Variants in ARPP21 observed in about 807,000 individuals in gnomAD.
ARPP21 encodes cAMP-regulated phosphoprotein 21.
ARPP21 carries 69 observed loss-of-function variants against 113.2 expected under a neutral mutation model. That is an observed-to-expected ratio of 0.61 (90% CI 0.50 to 0.74). The LOEUF is 0.74. Among genes scored for constraint, ARPP21 ranks in the 30% least tolerant of loss-of-function variants. The pLI, the probability that ARPP21 is intolerant of heterozygous loss-of-function variation, is 0.00. For missense variants in ARPP21, 1,070 were observed against 1,037.4 expected (o/e 1.03, Z -0.43); for synonymous variants, 368 against 375.5 (o/e 0.98, Z 0.23).
chr3:35,723,890 T>A (rs2093329050), intron 14 of ARPP21, among the ~76,000 whole-genome samples: 1 of 152,290 alleles, frequency 6.6e-6, no homozygotes, highest in African/African-American at 2.4e-5. Context: ...AAGATCAAGG[T>A]AGGATGTCAA....
At chr3:35,679,581 G>C (rs1170561244) in intron 1 of ARPP21, 1 of 151,414 alleles carries the variant, frequency 6.6e-6, no homozygotes, top group Non-Finnish European at 1.5e-5. Context: ...AGCTCCTTGC[G>C]TGGGTGCCGT....
rs1288627038 is a variant in ARPP21 at position 35,682,865 on chromosome 3, G to T, written c.147G>T (p.Gln49His). Residue 49 changes from glutamine (Q) to histidine (H), a missense_variant, in exon 4 of 21, where the codon CAG becomes CAT. Gln to His is a conservative substitution (Grantham distance 24). Coordinates refer to ENST00000684406, the MANE Select transcript of ARPP21 (RefSeq NM_001385562.1). ...KLELQRRLEA[Q>H]NQERRKSKSG... ...ACATACAGAGGCGGCTGGAGGCTCA[G>T]AATCAAGAAAGAAGAAAATCCAAGG... The T allele has an allele frequency of 6.2e-6, 10 of 1,608,640 alleles. No individual in the cohort carries two copies. Among genetic ancestry groups the T allele is most frequent in the Admixed American group, 1.7e-5 (1 of 59,464 alleles).
At position 35,793,835 on chromosome 3, in the gene ARPP21, C is replaced by G. The variant is rs755439265; in HGVS notation, c.2421C>G (p.Thr807=). 3 of 1,614,210 alleles carry G rather than the reference C, an allele frequency of 1.9e-6. No individual in the cohort carries two copies. Among genetic ancestry groups the G allele is most frequent in the South Asian group, 1.1e-5 (1 of 91,080 alleles). Residue 807 remains threonine (T), a synonymous_variant, in exon 21 of 21, where the codon ACC becomes ACG. Coordinates refer to ENST00000684406, the MANE Select transcript of ARPP21 (RefSeq NM_001385562.1). The part of the protein sequence containing the change: ...MPVYCNVTPP[T]PQNNLRLIGP... ...TTTACTGTAATGTCACACCGCCCAC[C>G]CCTCAGAACAACCTTAGGCTGATTG... is the stretch of plus-strand genomic sequence containing the variant.
At chr3:35,654,252 T>C (rs1054941243) in intron 1 of ARPP21, among the ~76,000 whole-genome samples, 1 of 152,108 alleles carries the variant, frequency 6.6e-6, no homozygotes, top group African/African-American at 2.4e-5. Flanking sequence ...TCATTTTTTT[T>C]CCTAATGGAT....
At chr3:35,719,467 A>G (rs2092830493) in intron 13 of ARPP21, among the ~76,000 whole-genome samples, 1 of 152,220 alleles carries the variant, frequency 6.6e-6, no homozygotes, top group African/African-American at 2.4e-5. Flanking sequence ...GTGATGTGAC[A>G]TAAGTCTAAA....
intron 19 of ARPP21, among the ~76,000 whole-genome samples, chr3:35,774,205 C>T (rs944074223): frequency 6.6e-6 from 1 of 152,208 alleles, no homozygotes; most frequent in African/African-American, 2.4e-5. Flanking sequence ...TTGCTTGAGC[C>T]TAGAAGTTTG....
At position 35,649,911 on chromosome 3, in the gene ARPP21, T is replaced by A. The variant is rs550503675; in HGVS notation, c.-213+9513T>A. On this transcript the variant is annotated intron_variant, in intron 1 of 20. Coordinates refer to ENST00000684406, the MANE Select transcript of ARPP21 (RefSeq NM_001385562.1). ...TTTGAAAGGAAGGGGTCCAGATGAT[T>A]ACAAATGAAATGAGTTTGCTTTCTT... Among the ~76,000 whole-genome samples the A allele has an allele frequency of 3.3e-5, 5 of 152,270 alleles. 1 individual carries two copies. In the East Asian group the frequency reaches 9.7e-4, roughly 29 times the overall value.
At chr3:35,650,449 G>C (rs928082964) in intron 1 of ARPP21, 1 of 152,090 alleles carries the variant, frequency 6.6e-6, no homozygotes, top group Non-Finnish European at 1.5e-5. Flanking sequence ...GTAATTGAGA[G>C]TTTCACAAAA....
intron 9 of ARPP21, among the ~76,000 whole-genome samples, chr3:35,691,848 T>C (rs1009797127): frequency 1.3e-5 from 2 of 151,594 alleles, no homozygotes; most frequent in Admixed American, 6.6e-5. Flanking sequence ...TTTTTCACAA[T>C]GTGCTTGGTA....
At chr3:35,766,106 A>G (rs1458885672) in intron 19 of ARPP21, among the ~76,000 whole-genome samples, 1 of 152,152 alleles carries the variant, frequency 6.6e-6, no homozygotes, top group African/African-American at 2.4e-5. Context: ...TAACCAATGC[A>G]TTCAGTGATC....
At chr3:35,700,633 A>C (rs2085998564) in intron 9 of ARPP21, among the ~76,000 whole-genome samples, 1 of 151,740 alleles carries the variant, frequency 6.6e-6, no homozygotes, top group Non-Finnish European at 1.5e-5. Flanking sequence ...TGAAGAAGAA[A>C]TCACTCATCA....
At chr3:35,721,412 T>C (rs1419379630) in intron 13 of ARPP21, among the ~76,000 whole-genome samples, 193 bp from the exon 14 acceptor site, 1 of 152,202 alleles carries the variant, frequency 6.6e-6, no homozygotes, top group Non-Finnish European at 1.5e-5. Context: ...CTATGTGTTA[T>C]ATGTGATGTG....
At chr3:35,757,472 T>C (rs773227645) in intron 19 of ARPP21, among the ~76,000 whole-genome samples, 4 of 151,982 alleles carry the variant, frequency 2.6e-5, no homozygotes, top group Non-Finnish European at 5.9e-5. Context: ...GGAATTGAGA[T>C]GAGTCAAAGA....
intron 1 of ARPP21, among the ~76,000 whole-genome samples, chr3:35,664,178 T>C (rs1709097723): frequency 6.6e-6 from 1 of 152,228 alleles, no homozygotes; most frequent in Admixed American, 6.5e-5. Context: ...TGTTTTTAAT[T>C]GACACGTACA....
intron 13 of ARPP21, among the ~76,000 whole-genome samples, chr3:35,717,904 T>C (rs188451888): frequency 2.6e-5 from 4 of 152,278 alleles, no homozygotes; most frequent in Non-Finnish European, 5.9e-5. Flanking sequence ...TAAAGTTCTA[T>C]ACTAGACTAG....
chr3:35,641,471 C>T (rs1270706044), intron 1 of ARPP21: 1 of 151,866 alleles, frequency 6.6e-6, no homozygotes, highest in African/African-American at 2.4e-5. Context: ...AATACACCTA[C>T]TCCTTTGATC....
chr3:35,752,655 G>T (rs1490728262), intron 19 of ARPP21, among the ~76,000 whole-genome samples: 1 of 152,068 alleles, frequency 6.6e-6, no homozygotes, highest in Non-Finnish European at 1.5e-5. Flanking sequence ...GCATTTCAGT[G>T]CAGAAGCTCT....
chr3:35,690,929 G>T lies in ARPP21; in HGVS notation c.610G>T (p.Ala204Ser). The change falls in exon 9 of 21, where the codon GCT (alanine) becomes TCT (serine). Residue 204 changes from alanine to serine, a missense_variant. Transcript: ENST00000684406. ...YQRMLVHRVA[A>S]YFGLDHNVDQ... is the part of the protein sequence containing the mutation. ...GAGGATGCTTGTCCATCGAGTGGCA[G>T]CTTATTTTGGATTGGATCACAATGT... 1 of 1,610,780 alleles carries T rather than the reference G, an allele frequency of 6.2e-7. No homozygotes were observed. Among genetic ancestry groups the T allele is most frequent in the Non-Finnish European group, 8.5e-7 (1 of 1,178,008 alleles).
chr3:35,735,643 T>C (rs973018485), intron 15 of ARPP21, among the ~76,000 whole-genome samples: 3 of 152,186 alleles, frequency 2.0e-5, no homozygotes, highest in Non-Finnish European at 2.9e-5. Flanking sequence ...ATCTCCCTTA[T>C]GCCAAGATAA....
Sources: gnomAD v4.1 joint callset for allele counts (sites outside exome capture counted in the v4.1 genomes callset) on GRCh38, gnomAD v4.1.1 for gene constraint, MANE v1.5 for transcripts, NCBI Gene and HGNC (gene_info 2026-07-23, HGNC 2026-07-21) for gene names.